Variants in SAG observed in about 807,000 individuals in gnomAD.
SAG encodes the protein S-arrestin.
SAG carries 45 observed loss-of-function variants against 55.0 expected under a neutral mutation model. That is an observed-to-expected ratio of 0.82 (90% confidence interval 0.64 to 1.05). The LOEUF (loss-of-function observed/expected upper bound fraction) is 1.05, where lower values mean the gene tolerates loss of function less well. Among genes scored for constraint, SAG ranks in the 50% least tolerant of loss-of-function variants. The pLI, the probability that SAG is intolerant of heterozygous loss-of-function variation, is 0.00. For missense variants in SAG, 455 were observed against 512.1 expected (o/e 0.89, Z 1.08); for synonymous variants, 189 against 197.4 (o/e 0.96, Z 0.36).
chr2:233,311,960 T>C (rs1168860563), intron 2 of SAG, among the ~76,000 whole-genome samples: 12 of 152,112 alleles, frequency 7.9e-5, no homozygotes, highest in Admixed American at 7.2e-4. Flanking sequence ...ACCCTGTCTC[T>C]ACTAAAAATA....
chr2:233,335,119 G>A lies in SAG; in HGVS notation c.944+20G>A, dbSNP rs760071240. 2 of 1,601,928 alleles carry A rather than the reference G, an allele frequency of 1.2e-6. No individual in the cohort carries two copies. The highest frequency in any genetic ancestry group is 1.7e-6 in the Non-Finnish European group (2 of 1,170,780). On this transcript the variant is annotated intron_variant, in intron 11 of 15. Transcript: ENST00000409110. ...CACCATGTGAGTCCTCGAGGCTCAG[G>A]GAATAAGCCCTGGCAGGGCGGGCTG...
At position 233,328,488 on chromosome 2, in the gene SAG, C is replaced by T. The variant is rs587777209; in HGVS notation, c.523C>T (p.Arg175Ter). Residue 175 changes from arginine to a stop codon, truncating the protein, a stop_gained, in exon 8 of 16, where the codon CGA (arginine) becomes TGA (stop). Coordinates refer to ENST00000409110, the MANE Select transcript of SAG (RefSeq NM_000541.5). LOFTEE classifies it high-confidence loss of function. Reference protein sequence around the residue: ...EDKIPKKSSVRLLIRKVQHAP... With the variant: ...EDKIPKKSSV ...GGCTGTTTCCCACAGGAGCTCCGTG[C>T]GATTACTGATCCGCAAAGTACAGCA... The T allele has an allele frequency of 9.9e-6, 16 of 1,613,022 alleles. No homozygotes were observed. Among genetic ancestry groups the T allele is most frequent in the East Asian group, 2.2e-5 (1 of 44,870 alleles).
intron 6 of SAG, among the ~76,000 whole-genome samples, chr2:233,326,112 G>A (rs3792098): frequency 0.6 from 90,744 of 151,896 alleles, 27,544 homozygotes; most frequent in African/African-American, 0.67. Flanking sequence ...GCATGTGAAC[G>A]TGCAGAGATG....
chr2:233,328,161 G>GC, intron 7 of SAG: 1 of 279,212 alleles, frequency 3.6e-6, no homozygotes, highest in Non-Finnish European at 6.7e-6. Flanking sequence ...GGCCCTTGAC[G>GC]CCCTCACACC....
At chr2:233,316,250 T>G in intron 3 of SAG, 115 bp downstream of exon 3, 1 of 608,114 alleles carries the variant, frequency 1.6e-6, no homozygotes, top group Non-Finnish European at 3.0e-6. Flanking sequence ...ACATGCAAAT[T>G]AAAACATCAG....
At chr2:233,314,969 C>G (rs1355668970) in intron 2 of SAG, among the ~76,000 whole-genome samples, 1 of 152,200 alleles carries the variant, frequency 6.6e-6, no homozygotes, top group African/African-American at 2.4e-5. Flanking sequence ...AACACTGAAT[C>G]CCTGTGTGTC....
intron 7 of SAG, chr2:233,327,901 T>A (rs1451113253): frequency 1.3e-5 from 2 of 152,598 alleles, no homozygotes; most frequent in Non-Finnish European, 2.9e-5. Context: ...ACATTCCGAA[T>A]GTTGTGTAGC....
intron 6 of SAG, among the ~76,000 whole-genome samples, chr2:233,325,167 G>A (rs1700509711): frequency 6.7e-6 from 1 of 148,938 alleles, no homozygotes; most frequent in African/African-American, 2.5e-5. Flanking sequence ...TTGTGCCACT[G>A]CATTCCAGCC....
Position 233,329,497 on chromosome 2 carries a change from A to T in SAG, c.653A>T (p.Tyr218Phe). 1 of 1,609,942 alleles carries T rather than the reference A, an allele frequency of 6.2e-7. No individual in the cohort carries two copies. The highest frequency in any genetic ancestry group is 8.5e-7 in the Non-Finnish European group (1 of 1,176,296). ...HLAVSLNKEI[Y>F]FHGEPIPVTV... ...CCTATCTGCTGACTTTTCTAGATCT[A>T]TTTCCATGGGGAGCCCATCCCTGTG... The change falls in exon 9 of 16, where the codon TAT becomes TTT. Residue 218 changes from tyrosine (Y) to phenylalanine (F), a missense_variant. By Grantham distance (22) the Tyr-to-Phe change is conservative. Transcript: ENST00000409110.
rs1449528982 is a variant in SAG at position 233,334,823 on chromosome 2, T to C, written c.807-139T>C. 14 of 926,512 alleles carry C rather than the reference T, an allele frequency of 1.5e-5. No homozygotes were observed. In the East Asian group the frequency reaches 3.4e-4, roughly 23 times the overall value. The allele number at this position is 926,512 out of a possible 1,614,324, so 57.4% of individuals were successfully genotyped here. Reference sequence around the variant, plus strand: ...CTGTTCTGCTTCTCGTAAGTCAAGTTCCCAGGCTCTTGAACCCACCTTCCC... The same window carrying C: ...CTGTTCTGCTTCTCGTAAGTCAAGTCCCCAGGCTCTTGAACCCACCTTCCC... On this transcript the variant is annotated intron_variant, in intron 10 of 15. Coordinates refer to ENST00000409110, the MANE Select transcript of SAG (RefSeq NM_000541.5).
At chr2:233,317,539 C>T (rs1290527555) in intron 3 of SAG, among the ~76,000 whole-genome samples, 1 of 152,156 alleles carries the variant, frequency 6.6e-6, no homozygotes, top group Admixed American at 6.6e-5. Context: ...GCAAATGTGC[C>T]TTGGCAAAAC....
At chr2:233,311,899 G>A (rs568818013) in intron 2 of SAG, among the ~76,000 whole-genome samples, 12 of 152,344 alleles carry the variant, frequency 7.9e-5, no homozygotes, top group Admixed American at 5.2e-4. Flanking sequence ...GCCAAGGCAG[G>A]TGGATCACCT....
chr2:233,346,106 T>C (rs1268673370), intron 14 of SAG: 2 of 163,172 alleles, frequency 1.2e-5, no homozygotes, highest in African/African-American at 4.8e-5. Flanking sequence ...TGAGCAGAGA[T>C]TGTGGCACTG....
Position 233,340,744 on chromosome 2 carries a change from A to C in SAG, c.1046+266A>C, listed in dbSNP as rs558320744. Among the ~76,000 whole-genome samples the C allele has an allele frequency of 7.9e-6, 1 of 126,408 alleles. No individual in the cohort carries two copies. The highest frequency in any genetic ancestry group is 3.0e-4 in the South Asian group (1 of 3,314). The allele number at this position is 126,408 out of a possible 152,430, so 82.9% of individuals were successfully genotyped here. A position where few individuals can be genotyped will look rare whatever the true frequency, so the allele number is the denominator to read the frequency against. ...CCCAGAAAACTGGCACACTCCATGC[A>C]GCCAGCTTGTGTGTGTGTGTGTGTG... On this transcript the variant is annotated intron_variant, in intron 13 of 15. Coordinates refer to ENST00000409110, the MANE Select transcript of SAG (RefSeq NM_000541.5). The surrounding 1 kb of genome is among the most constrained non-coding windows in gnomAD (Gnocchi z 4.2).
At chr2:233,329,334 G>A in intron 8 of SAG, 159 bp from the exon 9 acceptor site, 1 of 615,084 alleles carries the variant, frequency 1.6e-6, no homozygotes, top group Non-Finnish European at 2.9e-6. Context: ...TGTGTTTCAG[G>A]CCCTTCCTTA....
rs1700316210 is a variant in SAG, at chr2:233,319,515, C to T, written c.181+720C>T. 7.0e-6 allele frequency: 6 copies of T among 862,348 alleles called. No homozygotes were observed. Among genetic ancestry groups the T allele is most frequent in the Non-Finnish European group, 7.0e-6 (5 of 715,368 alleles). The allele number at this position is 862,348 out of a possible 1,614,324, so 53.4% of individuals were successfully genotyped here. A position where few individuals can be genotyped will look rare whatever the true frequency, so the allele number is the denominator to read the frequency against. On this transcript the variant is annotated intron_variant, in intron 4 of 15. Transcript: ENST00000409110. This position sits in a 1 kb window ranked among gnomAD's most constrained non-coding sequence, Gnocchi z 4.4. The stretch of plus-strand genomic sequence containing the variant: ...AAATATGCCTTTTTGAGTGTTGCTA[C>T]TGGCAACATCAAGGAATTGTTCAGA...
chr2:233,312,104 C>T (rs913101644), intron 2 of SAG, among the ~76,000 whole-genome samples: 6 of 152,126 alleles, frequency 3.9e-5, no homozygotes, highest in African/African-American at 1.4e-4. Flanking sequence ...CCAGCCTGGG[C>T]AACAAGAGCG....
rs549995222 is a variant in SAG, at chr2:233,318,605, C to A, written c.137-146C>A. ...TTTCAGGCAGTAGGAATTTGGATGA[C>A]TTTTTTCCCTTTGCCTGACTTTTCT... On this transcript the variant is annotated intron_variant, in intron 3 of 15. Transcript: ENST00000409110. 297 of 699,448 alleles carry A rather than the reference C, an allele frequency of 4.2e-4. No individual in the cohort carries two copies. In the African/African-American group the frequency reaches 4.9e-3, roughly 12 times the overall value. 43.3% of individuals were successfully genotyped at this position (699,448 alleles called of 1,614,324 possible).
At chr2:233,316,583 T>C (rs1700221593) in intron 3 of SAG, among the ~76,000 whole-genome samples, 1 of 152,138 alleles carries the variant, frequency 6.6e-6, no homozygotes, top group Non-Finnish European at 1.5e-5. Context: ...AGTGCTGGGA[T>C]TACAGGCATG....
Sources: gnomAD v4.1 joint callset for allele counts (sites outside exome capture counted in the v4.1 genomes callset) on GRCh38, gnomAD v4.1.1 for gene constraint, Gnocchi (gnomAD v3.1) non-coding constraint, MANE v1.5 for transcripts, NCBI Gene and HGNC (gene_info 2026-07-23, HGNC 2026-07-21) for gene names.